Variants in KMT2C observed in about 807,000 individuals in gnomAD.
The protein encoded by KMT2C is histone-lysine N-methyltransferase 2C.
In KMT2C, 88 loss-of-function variants were observed where a neutral mutation model predicts 507.9. The observed-to-expected ratio is 0.17, with a 90% CI of 0.15 to 0.21. The LOEUF (loss-of-function observed/expected upper bound fraction) is 0.21, where lower values mean the gene tolerates loss of function less well. Ranked by LOEUF, KMT2C falls within the 10% of genes least tolerant of loss-of-function variation. KMT2C has a pLI of 1.00. For synonymous variants in KMT2C, 2,049 were observed against 2,080.8 expected, an observed-to-expected ratio of 0.98 and a Z score of 0.42; for missense variants, 4,954 against 5,957.8, an observed-to-expected ratio of 0.83 and a Z score of 5.55.
At chr7:152,169,388 T>A (rs907676497) in intron 40 of KMT2C, 139 bp from the exon 41 acceptor site, 6 of 616,280 alleles carry the variant, frequency 9.7e-6, no homozygotes, top group East Asian at 2.8e-5. Flanking sequence ...AAGGTTTTTT[T>A]ATAAAAAGTA....
chr7:152,388,304 A>C (rs542799428), intron 1 of KMT2C, among the ~76,000 whole-genome samples: 2 of 152,262 alleles, frequency 1.3e-5, no homozygotes, highest in African/African-American at 4.8e-5. Flanking sequence ...CACGCCTGTA[A>C]TCCCAACACT....
At chr7:152,172,632 G>T (rs1392273009) in intron 39 of KMT2C, among the ~76,000 whole-genome samples, 1 of 152,174 alleles carries the variant, frequency 6.6e-6, no homozygotes, top group African/African-American at 2.4e-5. Flanking sequence ...GGAGGTGAAG[G>T]CTGCAGTGAG....
intron 6 of KMT2C, among the ~76,000 whole-genome samples, chr7:152,305,628 A>G (rs2096609754): frequency 6.6e-6 from 1 of 152,062 alleles, no homozygotes; most frequent in African/African-American, 2.4e-5. Context: ...ATGACTGGAC[A>G]ATCTATTTAC....
chr7:152,264,907 T>C (rs2095838269), intron 8 of KMT2C, 131 bp downstream of exon 8: 3 of 1,043,640 alleles, frequency 2.9e-6, no homozygotes, highest in Non-Finnish European at 3.8e-6. Context: ...TTTTTTTAAG[T>C]ATGATGAAGT....
At chr7:152,324,212 A>C (rs1325344316) in intron 3 of KMT2C, among the ~76,000 whole-genome samples, 1 of 151,172 alleles carries the variant, frequency 6.6e-6, no homozygotes, top group Non-Finnish European at 1.5e-5. Context: ...AGTGCATAGC[A>C]GGGTGACCTA....
At chr7:152,419,407 T>C (rs1255077946) in intron 1 of KMT2C, among the ~76,000 whole-genome samples, 4 of 151,834 alleles carry the variant, frequency 2.6e-5, no homozygotes, top group Admixed American at 2.6e-4. Flanking sequence ...TCAAAAACAA[T>C]GAAATACTTA....
At chr7:152,434,229 C>A (rs1357292080) in intron 1 of KMT2C, among the ~76,000 whole-genome samples, 1 of 152,170 alleles carries the variant, frequency 6.6e-6, no homozygotes, top group South Asian at 2.1e-4. Flanking sequence ...AACTTTGTAT[C>A]ACGAACAAGC....
intron 1 of KMT2C, among the ~76,000 whole-genome samples, chr7:152,391,382 A>G (rs560493576): frequency 4.0e-5 from 6 of 150,676 alleles, no homozygotes; most frequent in African/African-American, 1.5e-4. Context: ...AGCTGAGATT[A>G]TGGTGCCTGC....
intron 23 of KMT2C, among the ~76,000 whole-genome samples, chr7:152,218,324 C>G (rs2094643652): frequency 1.3e-5 from 2 of 152,066 alleles, no homozygotes; most frequent in Admixed American, 1.3e-4. Context: ...CCACCACACC[C>G]AGCTAATTTT....
rs377350150 is a variant in KMT2C, at chr7:152,159,099, T to C, written c.11461-27A>G. 2.5e-6 allele frequency: 4 copies of C among 1,602,446 alleles called. No individual in the cohort carries two copies. The African/African-American group carries it at 4.0e-5, about 16-fold the overall frequency. On this transcript the variant is annotated intron_variant, in intron 43 of 58. Transcript: ENST00000262189. ...TAATGTAATTGGAAAGGGTAAAAAA[T>C]AAGTGAACAATTTGCATATTTGGTT...
chr7:152,290,256 G>A (rs867418886), intron 6 of KMT2C, among the ~76,000 whole-genome samples: 63 of 32,026 alleles, frequency 2.0e-3, no homozygotes, highest in South Asian at 6.1e-3. Flanking sequence ...GTGTGTGTAT[G>A]TGTATATATA....
At chr7:152,217,034 A>T (rs2094602022) in intron 23 of KMT2C, among the ~76,000 whole-genome samples, 1 of 152,204 alleles carries the variant, frequency 6.6e-6, no homozygotes, top group African/African-American at 2.4e-5. Flanking sequence ...AAGTTAAAAA[A>T]TTTGCCTAAA....
chr7:152,325,305 C>G (rs182333148), intron 3 of KMT2C, among the ~76,000 whole-genome samples: 6 of 151,802 alleles, frequency 4.0e-5, no homozygotes, highest in Non-Finnish European at 8.8e-5. Flanking sequence ...CCCACCACCA[C>G]GCCCAGCTAA....
intron 6 of KMT2C, among the ~76,000 whole-genome samples, chr7:152,285,715 T>C (rs1201079848): frequency 1.3e-5 from 2 of 152,274 alleles, no homozygotes; most frequent in Non-Finnish European, 2.9e-5. Flanking sequence ...CTGGGCGCGA[T>C]GGCTCCTGCC....
At chr7:152,248,901 A>T (rs2095518406) in intron 13 of KMT2C, among the ~76,000 whole-genome samples, 1 of 152,176 alleles carries the variant, frequency 6.6e-6, no homozygotes, top group Non-Finnish European at 1.5e-5. Context: ...TTTTTTAGTT[A>T]AGAAAATGAG....
At chr7:152,279,341 C>G (rs968887399) in intron 6 of KMT2C, among the ~76,000 whole-genome samples, 3 of 152,034 alleles carry the variant, frequency 2.0e-5, no homozygotes, top group Non-Finnish European at 4.4e-5. Context: ...TAGCTTCAAA[C>G]ATGCAAAACT....
rs1217039988 is a variant in KMT2C at position 152,179,859 on chromosome 7, T to C, written c.7417A>G (p.Met2473Val). 1.2e-6 allele frequency: 2 copies of C among 1,613,938 alleles called. No homozygotes were observed. The highest frequency in any genetic ancestry group is 4.5e-5 in the East Asian group (2 of 44,892). ...RGPYPPDVASMGMRPHGFRFG... is the reference protein window; with the variant it reads ...RGPYPPDVASVGMRPHGFRFG... ...CTAAATCCATGAGGTCTCATCCCCA[T>C]ACTAGCAACATCAGGAGGATAGGGT... is the stretch of plus-strand genomic sequence containing the variant. Residue 2473 changes from methionine to valine, a missense_variant, in exon 37 of 59, where the codon ATG becomes GTG. Physicochemically the swap from Met to Val is conservative, Grantham distance 21. Transcript: ENST00000262189.
Position 152,196,106 on chromosome 7 carries a change from G to A in KMT2C, c.4274-95C>T, listed in dbSNP as rs2093953922. On this transcript the variant is annotated intron_variant, in intron 27 of 58. Transcript: ENST00000262189. ...TAGAGTACAGCAGATACTGAGTGAGGCAAGTACTGGAATAAAAACCTGAGA... is the reference window on the plus strand; with the variant it reads ...TAGAGTACAGCAGATACTGAGTGAGACAAGTACTGGAATAAAAACCTGAGA... The A allele has an allele frequency of 3.4e-5, 18 of 522,312 alleles. No homozygotes were observed. In the South Asian group the frequency reaches 7.1e-4, roughly 21 times the overall value. The allele number at this position is 522,312 out of a possible 1,614,324, so 32.4% of individuals were successfully genotyped here.
chr7:152,250,907 C>T lies in KMT2C; in HGVS notation c.1681G>A (p.Ala561Thr), dbSNP rs761493716. Residue 561 changes from alanine (A) to threonine (T), a missense_variant, in exon 12 of 59, where the codon GCA (alanine) becomes ACA (threonine). Physicochemically the swap from Ala to Thr is moderately conservative, Grantham distance 58. Transcript: ENST00000262189. Reference protein sequence around the residue: ...PEDQMVFSEQAANKDVNGQES... With the variant: ...PEDQMVFSEQTANKDVNGQES... ...TGACCGTTGACATCTTTATTAGCTG[C>T]CTGCTCTGAGAATACCATTTGATCT... 3 of 1,611,908 alleles carry T rather than the reference C, an allele frequency of 1.9e-6. No individual in the cohort carries two copies. The Admixed American group carries it at 5.0e-5, about 27-fold the overall frequency.
Sources: gnomAD v4.1 joint callset for allele counts (sites outside exome capture counted in the v4.1 genomes callset) on GRCh38, gnomAD v4.1.1 for gene constraint, MANE v1.5 for transcripts, NCBI Gene and HGNC (gene_info 2026-07-23, HGNC 2026-07-21) for gene names.